Variants in FHIT observed in about 807,000 individuals in gnomAD.
The protein encoded by FHIT is fragile histidine triad diadenosine triphosphatase, also known as bis(5'-adenosyl)-triphosphatase.
A neutral mutation model predicts 17.9 loss-of-function variants in FHIT; 19 were observed. That is an observed-to-expected ratio of 1.06 (90% CI 0.74 to 1.56). The LOEUF is 1.56. FHIT is among the 40% of genes most tolerant of loss of function. FHIT has a pLI of 0.00. For missense variants in FHIT, 248 were observed against 189.2 expected (o/e 1.31, Z -1.82); for synonymous variants, 81 against 69.7 (o/e 1.16, Z -0.81).
At chr3:60,833,227 C>T (rs571239948) in intron 3 of FHIT, among the ~76,000 whole-genome samples, 151 of 152,262 alleles carry the variant, frequency 9.9e-4, no homozygotes, top group African/African-American at 2.9e-3. Context: ...ACTCCAATCA[C>T]GAGCCCTGTA....
At chr3:59,868,476 AAT>A (rs1198020923) in intron 8 of FHIT, among the ~76,000 whole-genome samples, 1 of 152,238 alleles carries the variant, frequency 6.6e-6, no homozygotes, top group Non-Finnish European at 1.5e-5. Flanking sequence ...ATAAAAAGCA[AAT>A]ATGAGGTCTT....
chr3:60,701,593 T>C (rs2041249350), intron 4 of FHIT, among the ~76,000 whole-genome samples: 2 of 152,152 alleles, frequency 1.3e-5, no homozygotes, highest in South Asian at 4.2e-4. Context: ...TGAGTCAGTT[T>C]ATCCATCTAG....
At position 60,054,400 on chromosome 3, in the gene FHIT, A is replaced by G. The variant is rs190310856; in HGVS notation, c.104-40248T>C. 1.8e-4 allele frequency among the ~76,000 whole-genome samples: 28 copies of G among 152,332 alleles called. 1 individual carries two copies. In the East Asian group the frequency reaches 3.7e-3, roughly 20 times the overall value. On this transcript the variant is annotated intron_variant, in intron 5 of 9. Coordinates refer to ENST00000492590, the MANE Select transcript of FHIT (RefSeq NM_002012.4). ...TTAGAAAAACAAAACAAAACAAAAC[A>G]TAGCTTCTACTGACAAATGTAAATG...
intron 2 of FHIT, among the ~76,000 whole-genome samples, chr3:61,164,420 A>G (rs2037778007): frequency 6.6e-6 from 1 of 152,220 alleles, no homozygotes; most frequent in South Asian, 2.1e-4. Flanking sequence ...CCATCTAGGT[A>G]TCAACAATCG....
At chr3:60,081,770 G>A (rs1703295278) in intron 5 of FHIT, among the ~76,000 whole-genome samples, 1 of 152,030 alleles carries the variant, frequency 6.6e-6, no homozygotes, top group Admixed American at 6.6e-5. Flanking sequence ...ATATATACAG[G>A]ACCCTAATCA....
chr3:60,016,856 CA>C (rs1363539033), intron 5 of FHIT, among the ~76,000 whole-genome samples: 1 of 152,142 alleles, frequency 6.6e-6, no homozygotes, highest in African/African-American at 2.4e-5. Flanking sequence ...TCCTTTGGCC[CA>C]AATCACCATT....
intron 3 of FHIT, among the ~76,000 whole-genome samples, chr3:60,961,867 C>T (rs530348463): frequency 1.3e-5 from 2 of 152,284 alleles, no homozygotes; most frequent in Admixed American, 1.3e-4. Flanking sequence ...TAGCGTGATG[C>T]CTCTAGCTTT....
chr3:60,272,766 T>C (rs1706924375), intron 5 of FHIT, among the ~76,000 whole-genome samples: 1 of 152,134 alleles, frequency 6.6e-6, no homozygotes, highest in Non-Finnish European at 1.5e-5. Context: ...CAGCTGAAAA[T>C]GCCTCAACAG....
At chr3:60,645,289 T>C (rs2107797772) in intron 4 of FHIT, among the ~76,000 whole-genome samples, 1 of 152,266 alleles carries the variant, frequency 6.6e-6, no homozygotes, top group South Asian at 2.1e-4. Context: ...GGAGCATTCC[T>C]ACCCTACCAC....
In FHIT at chr3:59,986,540, T is replaced by TACAC. The variant is rs1315976727; in HGVS notation, c.279+24827_279+24830dup. Among the ~76,000 whole-genome samples the TACAC allele has an allele frequency of 3.3e-3, 41 of 12,446 alleles. 1 individual carries two copies. Among genetic ancestry groups the TACAC allele is most frequent in the African/African-American group, 0.014 (40 of 2,820 alleles). The allele number at this position is 12,446 out of a possible 152,430, so 8.2% of individuals were successfully genotyped here. A position where few individuals can be genotyped will look rare whatever the true frequency, so the allele number is the denominator to read the frequency against. On this transcript the variant is annotated intron_variant, in intron 7 of 9. Transcript: ENST00000492590. ...ATATATATATATATATATATATATA[T>TACAC]ACACACACACACACACACACACACA...
intron 5 of FHIT, among the ~76,000 whole-genome samples, chr3:60,385,018 G>A (rs1700955103): frequency 1.3e-5 from 2 of 152,012 alleles, no homozygotes; most frequent in African/African-American, 4.8e-5. Context: ...TTATGGCAAG[G>A]AAAAATGAAG....
intron 3 of FHIT, among the ~76,000 whole-genome samples, chr3:60,927,363 G>T (rs1309002294): frequency 6.6e-6 from 1 of 152,156 alleles, no homozygotes; most frequent in African/African-American, 2.4e-5. Context: ...GCCTGCCTTG[G>T]CCTCCCAAAG....
intron 4 of FHIT, among the ~76,000 whole-genome samples, chr3:60,568,788 T>C (rs2594259): frequency 0.84 from 127,685 of 151,924 alleles, 54,153 homozygotes; most frequent in African/African-American, 0.95. Flanking sequence ...TCTTTTTGAA[T>C]TCGATCTTTA....
intron 8 of FHIT, among the ~76,000 whole-genome samples, chr3:59,871,423 A>C (rs1256306967): frequency 2.6e-5 from 4 of 152,130 alleles, no homozygotes; most frequent in Admixed American, 2.6e-4. Context: ...CCCTACTACA[A>C]TCCTGTAACA....
chr3:60,332,147 C>T (rs990990783), intron 5 of FHIT, among the ~76,000 whole-genome samples: 1 of 152,170 alleles, frequency 6.6e-6, no homozygotes, highest in African/African-American at 2.4e-5. Flanking sequence ...TTGGTATTCA[C>T]AGCTACCCCA....
At chr3:59,904,771 G>T (rs183532791) in intron 8 of FHIT, among the ~76,000 whole-genome samples, 11 of 152,338 alleles carry the variant, frequency 7.2e-5, no homozygotes, top group African/African-American at 2.6e-4. Context: ...GCGAAGAGGG[G>T]ATATGGATTT....
chr3:60,068,721 C>G (rs1702628123), intron 5 of FHIT, among the ~76,000 whole-genome samples: 2 of 152,060 alleles, frequency 1.3e-5, no homozygotes, highest in Admixed American at 1.3e-4. Flanking sequence ...AAAAAGCTGC[C>G]AAGTAAAAAT....
intron 3 of FHIT, among the ~76,000 whole-genome samples, chr3:61,011,123 C>T (rs1415067908): frequency 6.6e-6 from 1 of 152,140 alleles, no homozygotes; most frequent in Non-Finnish European, 1.5e-5. Flanking sequence ...CACTGACTTA[C>T]TTATTCATTC....
intron 4 of FHIT, among the ~76,000 whole-genome samples, chr3:60,671,213 C>T (rs1356590410): frequency 1.3e-5 from 2 of 152,108 alleles, no homozygotes; most frequent in East Asian, 3.9e-4. Context: ...TCAAAATTTT[C>T]CTTTACTCAC....
Sources: allele counts gnomAD v4.1 joint callset (sites outside exome capture counted in the v4.1 genomes callset), GRCh38; gene constraint gnomAD v4.1.1; transcripts MANE v1.5; gene names NCBI Gene and HGNC (gene_info 2026-07-23, HGNC 2026-07-21).